IQGAP2: variants seen among roughly 807,000 people sequenced by gnomAD.
The protein encoded by IQGAP2 is ras GTPase-activating-like protein IQGAP2.
IQGAP2 carries 173 observed loss-of-function variants against 201.3 expected under a neutral mutation model. That is an observed-to-expected ratio of 0.86 (90% CI 0.76 to 0.98). The LOEUF (loss-of-function observed/expected upper bound fraction) is 0.98. IQGAP2 is among the 50% of genes least tolerant of loss of function. The probability of loss-of-function intolerance (pLI) is 0.00; values close to 1 mark genes in which losing one functional copy is unlikely to be tolerated. For missense variants in IQGAP2, 1,687 were observed against 1,864.8 expected, an observed-to-expected ratio of 0.90 and a Z score of 1.76; for synonymous variants, 675 against 673.9, an observed-to-expected ratio of 1.00 and a Z score of -0.03.
intron 2 of IQGAP2, among the ~76,000 whole-genome samples, chr5:76,536,724 C>T (rs1297156343): frequency 6.6e-6 from 1 of 150,572 alleles, no homozygotes; most frequent in Non-Finnish European, 1.5e-5. Context: ...TGTGCCATTG[C>T]ACTCCAGCTT....
chr5:76,455,307 G>A (rs542441457), intron 1 of IQGAP2, among the ~76,000 whole-genome samples: 26 of 151,954 alleles, frequency 1.7e-4, no homozygotes, highest in African/African-American at 6.3e-4. Context: ...AAAAAATTTA[G>A]CCTGGCATGG....
chr5:76,680,831 G>A (rs913313663), intron 28 of IQGAP2, among the ~76,000 whole-genome samples: 5 of 149,144 alleles, frequency 3.4e-5, no homozygotes, highest in Non-Finnish European at 7.4e-5. Context: ...TCATCCAGGT[G>A]CAGTGGCTCA....
chr5:76,688,114 A>G (rs1332658878), intron 30 of IQGAP2, among the ~76,000 whole-genome samples: 1 of 152,236 alleles, frequency 6.6e-6, no homozygotes. Flanking sequence ...TAACTCAAGC[A>G]TAAGATATAG....
intron 30 of IQGAP2, 27 bp downstream of exon 30, chr5:76,683,944 G>A: frequency 3.1e-6 from 5 of 1,593,780 alleles, no homozygotes; most frequent in Non-Finnish European, 4.3e-6. Flanking sequence ...AAGGGCACAT[G>A]TCTCCAAATA....
At chr5:76,487,287 C>T (rs1436661895) in intron 2 of IQGAP2, among the ~76,000 whole-genome samples, 1 of 151,952 alleles carries the variant, frequency 6.6e-6, no homozygotes, top group Non-Finnish European at 1.5e-5. Flanking sequence ...TTAGTCGAGA[C>T]AGGGTTTCAC....
At chr5:76,537,295 T>C (rs1561446479) in intron 2 of IQGAP2, among the ~76,000 whole-genome samples, 1 of 152,196 alleles carries the variant, frequency 6.6e-6, no homozygotes, top group Non-Finnish European at 1.5e-5. Context: ...AATAGTATAA[T>C]GTGCAGTGGT....
intron 2 of IQGAP2, among the ~76,000 whole-genome samples, chr5:76,556,947 G>A (rs1743993841): frequency 6.6e-6 from 1 of 152,144 alleles, no homozygotes; most frequent in South Asian, 2.1e-4. Flanking sequence ...TACCCTGCCT[G>A]TTGCAAGGTA....
rs137888727 is a variant in IQGAP2, at chr5:76,655,487, G to A, written c.2320+484G>A. On this transcript the variant is annotated intron_variant, in intron 20 of 35. Transcript: ENST00000274364. Reference sequence around the variant, plus strand: ...TTTTGAGACAGAGTCTCACACTGTCGCCCAGGCTGGAATGCAGTGGCGCAA... The same window carrying A: ...TTTTGAGACAGAGTCTCACACTGTCACCCAGGCTGGAATGCAGTGGCGCAA... Among the ~76,000 whole-genome samples the A allele has an allele frequency of 6.3e-3, 952 of 151,998 alleles. 8 individuals are homozygous for A. The highest frequency in any genetic ancestry group is 0.011 in the Admixed American group (171 of 15,264).
intron 1 of IQGAP2, among the ~76,000 whole-genome samples, chr5:76,423,318 C>T (rs74352689): frequency 0.022 from 3,395 of 152,152 alleles, 69 homozygotes; most frequent in African/African-American, 0.038. Context: ...TGCTGGTACC[C>T]GCTATTAAAA....
At chr5:76,588,771 C>T (rs1746420354) in intron 5 of IQGAP2, 135 bp from the exon 6 acceptor site, 1 of 425,532 alleles carries the variant, frequency 2.3e-6, no homozygotes. Context: ...GACTCAGTTT[C>T]CTCATTTACA....
At chr5:76,655,772 TA>T (rs1178263116) in intron 20 of IQGAP2, among the ~76,000 whole-genome samples, 1 of 152,152 alleles carries the variant, frequency 6.6e-6, no homozygotes, top group Non-Finnish European at 1.5e-5. Context: ...AATAGCAAAA[TA>T]AAATTCACCC....
intron 2 of IQGAP2, among the ~76,000 whole-genome samples, chr5:76,551,218 C>T (rs112147387): frequency 0.012 from 1,846 of 148,958 alleles, 30 homozygotes; most frequent in African/African-American, 0.043. Context: ...GGGTCGGGGC[C>T]GGGCAGAGGC....
intron 23 of IQGAP2, among the ~76,000 whole-genome samples, chr5:76,670,374 C>T (rs958039904): frequency 1.3e-5 from 2 of 152,068 alleles, no homozygotes; most frequent in Non-Finnish European, 2.9e-5. Flanking sequence ...ATTAGCCAGA[C>T]ATGGTGGCGG....
intron 33 of IQGAP2, 36 bp from the exon 34 acceptor site, chr5:76,701,040 A>G (rs468648): frequency 0.092 from 148,679 of 1,609,086 alleles, 9,342 homozygotes; most frequent in East Asian, 0.39. Flanking sequence ...TGCATTTGCC[A>G]TCATAACAAC....
chr5:76,626,630 A>G (rs900106677), intron 13 of IQGAP2, among the ~76,000 whole-genome samples: 2 of 151,888 alleles, frequency 1.3e-5, no homozygotes, highest in Non-Finnish European at 2.9e-5. Context: ...GACAATCACC[A>G]TGTTGTTGTT....
chr5:76,438,615 G>A (rs1028180881), intron 1 of IQGAP2, among the ~76,000 whole-genome samples: 1 of 151,964 alleles, frequency 6.6e-6, no homozygotes, highest in Non-Finnish European at 1.5e-5. Context: ...GCTAATTTTT[G>A]TATTTTTAGC....
At chr5:76,551,967 T>A (rs957035383) in intron 2 of IQGAP2, among the ~76,000 whole-genome samples, 11 of 151,832 alleles carry the variant, frequency 7.2e-5, no homozygotes, top group African/African-American at 2.4e-4. Flanking sequence ...TTTTGAGGCC[T>A]TGGACAATGA....
At position 76,671,941 on chromosome 5, in the gene IQGAP2, A is replaced by G; in HGVS notation, c.3026A>G (p.Lys1009Arg). ...AACACAAACCCTGTAGAGGTGTACA[A>G]GGCTTGGGTGAACCAACTAGAAACA... Reference protein sequence around the residue: ...IINTNPVEVYKAWVNQLETQT... With the variant: ...IINTNPVEVYRAWVNQLETQT... Residue 1009 changes from lysine (K) to arginine (R), a missense_variant, in exon 24 of 36, where the codon AAG becomes AGG. By Grantham distance (26) the Lys-to-Arg change is conservative. Transcript: ENST00000274364. 1.9e-6 allele frequency: 3 copies of G among 1,614,106 alleles called. No individual in the cohort carries two copies. The highest frequency in any genetic ancestry group is 2.5e-6 in the Non-Finnish European group (3 of 1,179,974).
At chr5:76,436,186 T>G (rs1281916275) in intron 1 of IQGAP2, among the ~76,000 whole-genome samples, 2 of 152,040 alleles carry the variant, frequency 1.3e-5, no homozygotes, top group African/African-American at 4.8e-5. Flanking sequence ...ACTTTATCTT[T>G]TCCAATTTGG....
Sources: gnomAD v4.1 joint callset for allele counts (sites outside exome capture counted in the v4.1 genomes callset) on GRCh38, gnomAD v4.1.1 for gene constraint, MANE v1.5 for transcripts, NCBI Gene and HGNC (gene_info 2026-07-23, HGNC 2026-07-21) for gene names.